SPECC1L: variants seen among roughly 807,000 people sequenced by gnomAD.
SPECC1L encodes cytospin-A.
A neutral mutation model predicts 116.8 loss-of-function variants in SPECC1L; 40 were observed. The observed-to-expected ratio is 0.34, with a 90% CI of 0.27 to 0.45. The LOEUF is 0.45. Ranked by LOEUF, SPECC1L falls within the 20% of genes least tolerant of loss-of-function variation. The pLI is 1.00. For synonymous variants in SPECC1L, 504 were observed against 500.6 expected (o/e 1.01, Z -0.09); for missense variants, 1,110 against 1,373.6 (o/e 0.81, Z 3.03).
intron 14 of SPECC1L, among the ~76,000 whole-genome samples, chr22:24,387,789 G>T (rs2042188651): frequency 6.6e-6 from 1 of 152,052 alleles, no homozygotes; most frequent in Non-Finnish European, 1.5e-5. Context: ...GAATTGTATT[G>T]GTTAGAAGTC....
At chr22:24,346,471 G>A (rs190280353) in intron 10 of SPECC1L, among the ~76,000 whole-genome samples, 28 of 152,326 alleles carry the variant, frequency 1.8e-4, no homozygotes, top group African/African-American at 6.3e-4. Context: ...GACTTGAATG[G>A]TCAGTACAAT....
intron 7 of SPECC1L, among the ~76,000 whole-genome samples, chr22:24,329,870 C>G (rs1301936600): frequency 6.6e-6 from 1 of 151,712 alleles, no homozygotes; most frequent in Non-Finnish European, 1.5e-5. Flanking sequence ...GGTTCACATA[C>G]CATTTATATA....
chr22:24,282,360 T>C (rs1449600871), intron 2 of SPECC1L, among the ~76,000 whole-genome samples: 1 of 152,262 alleles, frequency 6.6e-6, no homozygotes, highest in Non-Finnish European at 1.5e-5. Context: ...TGTTACCATC[T>C]TTGTTTTAAA....
intron 4 of SPECC1L, among the ~76,000 whole-genome samples, chr22:24,318,179 G>A (rs1181100208): frequency 6.6e-6 from 1 of 152,216 alleles, no homozygotes; most frequent in African/African-American, 2.4e-5. Flanking sequence ...CTGCTGGGAG[G>A]TGGATGTTGT....
intron 14 of SPECC1L, among the ~76,000 whole-genome samples, chr22:24,372,729 CT>C (rs1207342945): frequency 2.0e-5 from 3 of 151,120 alleles, no homozygotes; most frequent in Non-Finnish European, 3.0e-5. Context: ...CAGGGATGCC[CT>C]CTCTCACCAC....
intron 4 of SPECC1L, among the ~76,000 whole-genome samples, chr22:24,316,010 G>A (rs752414029): frequency 6.6e-6 from 1 of 152,108 alleles, no homozygotes; most frequent in Non-Finnish European, 1.5e-5. Flanking sequence ...CTGTCTCCAG[G>A]TGCAGTCACA....
rs1050341703 is a variant in SPECC1L at position 24,415,920 on chromosome 22, G to C, written c.*1297G>C. The stretch of plus-strand genomic sequence containing the variant: ...AATAGGGATCTCCCGTGTGCCTAAC[G>C]CAGTAGCTATTGGTTTGAACAATGT... On this transcript the variant is annotated 3_prime_UTR_variant, in exon 17 of 17. Coordinates refer to ENST00000314328, the MANE Select transcript of SPECC1L (RefSeq NM_015330.6). 1.3e-5 allele frequency: 2 copies of C among 152,358 alleles called. No homozygotes were observed. The highest frequency in any genetic ancestry group is 4.1e-4 in the South Asian group (2 of 4,826). 9.4% of individuals were successfully genotyped at this position (152,358 alleles called of 1,614,324 possible). A position where few individuals can be genotyped will look rare whatever the true frequency, so the allele number is the denominator to read the frequency against.
intron 2 of SPECC1L, among the ~76,000 whole-genome samples, chr22:24,297,909 C>T (rs1828488122): frequency 6.6e-6 from 1 of 152,082 alleles, no homozygotes; most frequent in Non-Finnish European, 1.5e-5. Context: ...AATAATGGAC[C>T]CACAGTGCAG....
At chr22:24,311,194 C>T (rs1250564913) in intron 3 of SPECC1L, among the ~76,000 whole-genome samples, 3 of 152,200 alleles carry the variant, frequency 2.0e-5, no homozygotes, top group Non-Finnish European at 4.4e-5. Context: ...TTGTCATTAG[C>T]CAAAGGCAAA....
At chr22:24,307,962 G>A (rs1341995788) in intron 3 of SPECC1L, among the ~76,000 whole-genome samples, 1 of 151,738 alleles carries the variant, frequency 6.6e-6, no homozygotes, top group African/African-American at 2.4e-5. Context: ...AAAGCTGAAG[G>A]ACTAGTACTA....
intron 2 of SPECC1L, 135 bp from the exon 3 acceptor site, chr22:24,302,060 A>AAT: frequency 1.5e-5 from 10 of 670,384 alleles, no homozygotes; most frequent in South Asian, 3.6e-5. Context: ...AAAAAAAAAA[A>AAT]TTTTTTTTCA....
At chr22:24,413,284 C>G (rs764378999) in intron 16 of SPECC1L, among the ~76,000 whole-genome samples, 1 of 152,158 alleles carries the variant, frequency 6.6e-6, no homozygotes, top group Non-Finnish European at 1.5e-5. Context: ...TCTACCTTGC[C>G]GAGCCCAACT....
At chr22:24,286,967 T>C (rs1158141587) in intron 2 of SPECC1L, among the ~76,000 whole-genome samples, 1 of 152,210 alleles carries the variant, frequency 6.6e-6, no homozygotes, top group Non-Finnish European at 1.5e-5. Flanking sequence ...TGATGACTTT[T>C]TTGGTCTAAG....
chr22:24,293,744 C>G (rs1369893144), intron 2 of SPECC1L, among the ~76,000 whole-genome samples: 1 of 135,018 alleles, frequency 7.4e-6, no homozygotes, highest in Non-Finnish European at 1.6e-5. Context: ...GTACTGAAAT[C>G]TGGAGGAGTG....
chr22:24,371,705 A>G (rs2041873561), intron 14 of SPECC1L, among the ~76,000 whole-genome samples: 1 of 152,136 alleles, frequency 6.6e-6, no homozygotes. Context: ...AAGGGGATTG[A>G]CATTGATTGA....
At chr22:24,402,923 T>C (rs1569449255) in intron 14 of SPECC1L, among the ~76,000 whole-genome samples, 4 of 152,234 alleles carry the variant, frequency 2.6e-5, no homozygotes. Flanking sequence ...GTATAATCTC[T>C]TGGCTTTCAC....
rs543496499 is a variant in SPECC1L, at chr22:24,303,770, CTG to C, written c.153+1388_153+1389del. ...AGTACTTTTCCACTGTAAAGCAAAACTGTACACTTACTCTTGCCAGCACATGC... is the reference window on the plus strand; with the variant it reads ...AGTACTTTTCCACTGTAAAGCAAAACTACACTTACTCTTGCCAGCACATGC... On this transcript the variant is annotated intron_variant, in intron 3 of 16. Coordinates refer to ENST00000314328, the MANE Select transcript of SPECC1L (RefSeq NM_015330.6). Among the ~76,000 whole-genome samples the C allele has an allele frequency of 7.8e-3, 1,181 of 152,036 alleles. 9 individuals carry two copies. Among genetic ancestry groups the C allele is most frequent in the South Asian group, 0.024 (116 of 4,832 alleles).
intron 3 of SPECC1L, among the ~76,000 whole-genome samples, chr22:24,307,638 T>C (rs575822057): frequency 3.3e-4 from 50 of 152,256 alleles, no homozygotes; most frequent in African/African-American, 1.1e-3. Context: ...TACGTGTATG[T>C]GTATGTGTTT....
At chr22:24,303,203 G>A (rs1215298746) in intron 3 of SPECC1L, among the ~76,000 whole-genome samples, 4 of 152,106 alleles carry the variant, frequency 2.6e-5, no homozygotes, top group African/African-American at 9.7e-5. Flanking sequence ...AGGAACAGCC[G>A]ATGAGGAACT....
Sources: allele counts gnomAD v4.1 joint callset (sites outside exome capture counted in the v4.1 genomes callset), GRCh38; gene constraint gnomAD v4.1.1; transcripts MANE v1.5; gene names NCBI Gene and HGNC (gene_info 2026-07-23, HGNC 2026-07-21).